Variants in CEACAM21 observed in about 807,000 individuals in gnomAD.
The protein encoded by CEACAM21 is cell adhesion molecule CEACAM21.
Under a neutral mutation model 33.2 loss-of-function variants are expected in CEACAM21, and 38 were observed. The observed-to-expected ratio is 1.14, with a 90% CI of 0.88 to 1.50. The LOEUF is 1.50. Among genes scored for constraint, CEACAM21 ranks in the 40% most tolerant of loss-of-function variants. CEACAM21 has a pLI of 0.00. For synonymous variants in CEACAM21, 156 were observed against 143.0 expected (o/e 1.09, Z -0.65); for missense variants, 385 against 364.6 (o/e 1.06, Z -0.46).
In CEACAM21 at chr19:41,557,691, G is replaced by T. The variant is rs1228629394; in HGVS notation, c.-778-6991G>T. The stretch of plus-strand genomic sequence containing the variant: ...GTCCCTGGACATCCCTAAAAAGAGA[G>T]AGCATGTTTACATTGCAAGTGAACT... On this transcript the variant is annotated intron_variant, in intron 1 of 7. Coordinates refer to the CEACAM21 transcript ENST00000407170. Among the ~76,000 whole-genome samples the T allele has an allele frequency of 2.0e-5, 3 of 152,200 alleles. No individual in the cohort carries two copies. In the East Asian group the frequency reaches 5.8e-4, roughly 29 times the overall value.
chr19:41,565,217 G>GCCCGC (rs1377444354), intron 2 of CEACAM21, among the ~76,000 whole-genome samples: 2 of 152,168 alleles, frequency 1.3e-5, no homozygotes. Flanking sequence ...TGCCCTCAGA[G>GCCCGC]CCCGCCCCGC....
chr19:41,549,896 C>T lies in CEACAM21; in HGVS notation c.-779+344C>T, dbSNP rs192312557. Among the ~76,000 whole-genome samples, 131 of 151,974 alleles carry T rather than the reference C, an allele frequency of 8.6e-4. No homozygotes were observed. In the East Asian group the frequency reaches 0.021, roughly 24 times the overall value. On this transcript the variant is annotated intron_variant, in intron 1 of 7. Coordinates refer to the CEACAM21 transcript ENST00000407170. ...TTTTTAAAAATATTTTAATCCTTTC[C>T]GGAAAAAAATATGTTTTCCATGGAC...
chr19:41,581,489 C>T (rs1340998177), intron 3 of CEACAM21, among the ~76,000 whole-genome samples: 1 of 152,188 alleles, frequency 6.6e-6, no homozygotes, highest in Non-Finnish European at 1.5e-5. Context: ...CTATGTGTGT[C>T]TTTAATTCCT....
intron 5 of CEACAM21, 74 bp from the exon 6 acceptor site, chr19:41,585,766 G>A: frequency 6.9e-7 from 1 of 1,456,644 alleles, no homozygotes; most frequent in Non-Finnish European, 9.5e-7. Context: ...AAGAACTGAG[G>A]ACCCCCACAC....
At chr19:41,568,038 G>T (rs2042378295) in intron 2 of CEACAM21, among the ~76,000 whole-genome samples, 1 of 152,098 alleles carries the variant, frequency 6.6e-6, no homozygotes, top group African/African-American at 2.4e-5. Context: ...ATTGAGGGAT[G>T]TGCTTGACAT....
At chr19:41,580,883 A>T (rs1210668166) in intron 3 of CEACAM21, among the ~76,000 whole-genome samples, 1 of 152,238 alleles carries the variant, frequency 6.6e-6, no homozygotes, top group Non-Finnish European at 1.5e-5. Context: ...TGAAAGTCCC[A>T]ACCCTCTAAT....
intron 3 of CEACAM21, among the ~76,000 whole-genome samples, chr19:41,584,114 G>A (rs1312222665): frequency 2.0e-5 from 3 of 152,200 alleles, no homozygotes; most frequent in Non-Finnish European, 2.9e-5. Context: ...ATGAGGTGCA[G>A]GCTTCCTGTG....
chr19:41,567,987 T>G (rs2042375480), intron 2 of CEACAM21, among the ~76,000 whole-genome samples: 1 of 152,116 alleles, frequency 6.6e-6, no homozygotes, highest in Non-Finnish European at 1.5e-5. Flanking sequence ...TGCTTCATGA[T>G]TCACCCTTCA....
At chr19:41,576,796 A>T (rs905381951) in intron 1 of CEACAM21, among the ~76,000 whole-genome samples, 4 of 152,084 alleles carry the variant, frequency 2.6e-5, no homozygotes, top group African/African-American at 4.8e-5. Flanking sequence ...TCACAATCTC[A>T]TGGGGGGGAA....
chr19:41,579,507 C>T lies in CEACAM21; in HGVS notation c.579C>T (p.Ser193=). The T allele has an allele frequency of 6.2e-7, 1 of 1,613,736 alleles. No homozygotes were observed. Among genetic ancestry groups the T allele is most frequent in the Non-Finnish European group, 8.5e-7 (1 of 1,179,758 alleles). The change falls in exon 3 of 7, where the codon TCC becomes TCT. Residue 193 remains serine, a synonymous_variant. Coordinates refer to ENST00000401445, the MANE Select transcript of CEACAM21 (RefSeq NM_001098506.4). ...AGGTCACGAAGAGGATGAAGCTGTC[C>T]TGGTTTAACCATGTGCTCACCATAG... ...RLQVTKRMKL[S]WFNHVLTIDP...
chr19:41,576,115 C>A, upstream of CEACAM21: 1 of 741,834 alleles, frequency 1.3e-6, no homozygotes, highest in African/African-American at 1.8e-5. Context: ...TAGGCAGAGC[C>A]CCGCCCTTGC....
intron 1 of CEACAM21, among the ~76,000 whole-genome samples, chr19:41,556,547 A>G (rs2041539973): frequency 6.6e-6 from 1 of 152,270 alleles, no homozygotes; most frequent in East Asian, 1.9e-4. Flanking sequence ...TCTTATAATC[A>G]GATTTTAGCC....
Position 41,579,475 on chromosome 19 carries a change from C to A in CEACAM21, c.547C>A (p.Arg183Ser), listed in dbSNP as rs368535219. 4 of 1,613,890 alleles carry A rather than the reference C, an allele frequency of 2.5e-6. No homozygotes were observed. In the African/African-American group the frequency reaches 4.0e-5, roughly 16 times the overall value. The change falls in exon 3 of 7, where the codon CGT (arginine) becomes AGT (serine). Residue 183 changes from arginine (R) to serine (S), a missense_variant. Transcript: ENST00000401445. ...TTTCCAGTGGATTTTCAACAACCAG[C>A]GTCTGCAGGTCACGAAGAGGATGAA... ...TSFQWIFNNQ[R>S]LQVTKRMKLS...
At chr19:41,573,039 G>C (rs961855358), upstream of CEACAM21, among the ~76,000 whole-genome samples, 2 of 152,188 alleles carry the variant, frequency 1.3e-5, no homozygotes, top group Non-Finnish European at 2.9e-5. Context: ...GGTAGACCAA[G>C]CTTGAGGCCT....
At chr19:41,573,344 G>A (rs189673587), upstream of CEACAM21, among the ~76,000 whole-genome samples, 76 of 152,246 alleles carry the variant, frequency 5.0e-4, 1 homozygote, top group Admixed American at 4.8e-3. Flanking sequence ...GCCACCGTTT[G>A]TGCCTAGGAC....
chr19:41,579,525 C>T lies in CEACAM21; in HGVS notation c.597C>T (p.Leu199=), dbSNP rs782560122. The change falls in exon 3 of 7, where the codon CTC becomes CTT. Residue 199 remains leucine, a synonymous_variant. Transcript: ENST00000401445. ...RMKLSWFNHV[L]TIDPIRQEDA... is the part of the protein sequence containing the mutation. ...AGCTGTCCTGGTTTAACCATGTGCT[C>T]ACCATAGACCCCATCAGGCAGGAGG... The T allele has an allele frequency of 7.4e-6, 12 of 1,613,386 alleles. No homozygotes were observed. The highest frequency in any genetic ancestry group is 1.0e-5 in the Non-Finnish European group (12 of 1,179,586).
intron 3 of CEACAM21, among the ~76,000 whole-genome samples, chr19:41,581,984 A>G (rs2043427818): frequency 6.6e-6 from 1 of 152,240 alleles, no homozygotes; most frequent in South Asian, 2.1e-4. Flanking sequence ...GTCCAAGTCC[A>G]AAGTTTCATC....
upstream of CEACAM21, among the ~76,000 whole-genome samples, chr19:41,573,175 A>T (rs375207103): frequency 4.9e-4 from 74 of 152,348 alleles, no homozygotes; most frequent in Non-Finnish European, 8.5e-4. Flanking sequence ...GACAGTGCCT[A>T]AGAGGATGAC....
chr19:41,557,802 G>A (rs1207098442), intron 1 of CEACAM21, among the ~76,000 whole-genome samples: 1 of 152,210 alleles, frequency 6.6e-6, no homozygotes, highest in African/African-American at 2.4e-5. Context: ...GAGGATGTAG[G>A]TTATTCAGTG....
Sources: gnomAD v4.1 joint callset for allele counts (sites outside exome capture counted in the v4.1 genomes callset) on GRCh38, gnomAD v4.1.1 for gene constraint, MANE v1.5 for transcripts, NCBI Gene and HGNC (gene_info 2026-07-23, HGNC 2026-07-21) for gene names.